The following SF3B3 variants were observed in gnomAD, a reference collection of about 807,000 sequenced individuals.
SF3B3 encodes the protein SAP 130.
In SF3B3, 33 loss-of-function variants were observed where a neutral mutation model predicts 139.2. That is an observed-to-expected ratio of 0.24 (90% CI 0.18 to 0.32). The LOEUF is 0.32. Among genes scored for constraint, SF3B3 ranks in the 10% least tolerant of loss-of-function variants. The pLI is 1.00. For missense variants in SF3B3, 818 were observed against 1,509.4 expected, an observed-to-expected ratio of 0.54 and a Z score of 7.59; for synonymous variants, 596 against 563.6, an observed-to-expected ratio of 1.06 and a Z score of -0.81.
chr16:70,570,131 G>C lies in SF3B3; in HGVS notation c.3390G>C (p.Val1130=). The change falls in exon 24 of 26, where the codon GTG becomes GTC. Residue 1130 remains valine (V), a synonymous_variant. Transcript: ENST00000302516. The stretch of plus-strand genomic sequence containing the variant: ...TGTCTGGAGGAATTGGCATCCTTGT[G>C]CCATTCACGTCCCATGAGGTGAGAG... The part of the protein sequence containing the change: ...TTLSGGIGIL[V]PFTSHEDHDF... 6.2e-7 allele frequency: 1 copy of C among 1,614,092 alleles called. No homozygotes were observed. Among genetic ancestry groups the C allele is most frequent in the Non-Finnish European group, 8.5e-7 (1 of 1,180,004 alleles).
chr16:70,571,023 C>T (rs1597725986), intron 24 of SF3B3, 72 bp from the exon 25 acceptor site: 7 of 977,680 alleles, frequency 7.2e-6, no homozygotes, highest in East Asian at 2.4e-5. Flanking sequence ...CTTGTCTGTT[C>T]GTTGTGCTTG....
At chr16:70,554,358 G>C in intron 11 of SF3B3, 88 bp from the exon 12 acceptor site, 2 of 1,284,008 alleles carry the variant, frequency 1.6e-6, no homozygotes, top group Non-Finnish European at 2.2e-6. Flanking sequence ...TGCCTTGGAA[G>C]GTTTCTGAAG....
Position 70,569,075 on chromosome 16 carries a change from A to T in SF3B3, c.3198A>T (p.Val1066=). 1 of 1,611,584 alleles carries T rather than the reference A, an allele frequency of 6.2e-7. No individual in the cohort carries two copies. Among genetic ancestry groups the T allele is most frequent in the East Asian group, 2.2e-5 (1 of 44,840 alleles). The stretch of plus-strand genomic sequence containing the variant: ...TCCCACCTAACACCAATGATGAAGT[A>T]GATGAGGATCCTACAGGAAACAAAG... ...VRLPPNTNDE[V]DEDPTGNKAL... Residue 1066 remains valine, a synonymous_variant, in exon 23 of 26, where the codon GTA becomes GTT. Transcript: ENST00000302516.
At chr16:70,551,359 C>G (rs1318139540) in intron 11 of SF3B3, among the ~76,000 whole-genome samples, 1 of 152,120 alleles carries the variant, frequency 6.6e-6, no homozygotes, top group Non-Finnish European at 1.5e-5. Flanking sequence ...TGGTACAGTT[C>G]CTAGTCATTT....
chr16:70,534,345 C>T (rs1486877332), intron 5 of SF3B3, among the ~76,000 whole-genome samples: 1 of 152,166 alleles, frequency 6.6e-6, no homozygotes, highest in Non-Finnish European at 1.5e-5. Flanking sequence ...GTGAAAGCTA[C>T]TGAAGGATTC....
At chr16:70,526,972 G>C (rs1056387746) in intron 2 of SF3B3, 3 of 564,688 alleles carry the variant, frequency 5.3e-6, no homozygotes, top group East Asian at 3.0e-5. Flanking sequence ...TGCTTACCTA[G>C]TGCCAAGTCG....
At chr16:70,537,392 C>A (rs114834186) in intron 6 of SF3B3, among the ~76,000 whole-genome samples, 273 of 152,226 alleles carry the variant, frequency 1.8e-3, no homozygotes, top group African/African-American at 6.3e-3. Context: ...ATGAATATCC[C>A]TCTTCCTGAG....
rs374656367 is a variant in SF3B3 at position 70,569,037 on chromosome 16, T to G, written c.3166-6T>G. 4.4e-5 allele frequency: 71 copies of G among 1,602,738 alleles called. No individual in the cohort carries two copies. The African/African-American group carries it at 8.0e-4, about 18-fold the overall frequency. ...CAGCAGTGTGACTTGTGTCACTTCC[T>G]TGTAGGTGAGGCTCCCACCTAACAC... is the stretch of plus-strand genomic sequence containing the variant. On this transcript the variant is annotated splice_region_variant and splice_polypyrimidine_tract_variant and intron_variant, in intron 22 of 25. Coordinates refer to ENST00000302516, the MANE Select transcript of SF3B3 (RefSeq NM_012426.5).
Position 70,577,430 on chromosome 16 carries a change from A to G in SF3B3, c.*5617A>G, listed in dbSNP as rs2050590325. The stretch of plus-strand genomic sequence containing the variant: ...CACTAGCTGCCCAACGGATGAATCA[A>G]CGCCTTGGCAGAGTTTTCCAGCAGG... On this transcript the variant is annotated 3_prime_UTR_variant, in exon 26 of 26. Transcript: ENST00000302516. The G allele has an allele frequency of 6.6e-6, 1 of 152,308 alleles. No individual in the cohort carries two copies. Among genetic ancestry groups the G allele is most frequent in the Admixed American group, 6.5e-5 (1 of 15,274 alleles). The allele number at this position is 152,308 out of a possible 1,614,324, so 9.4% of individuals were successfully genotyped here.
chr16:70,539,050 A>G (rs1419562079), intron 7 of SF3B3, 54 bp from the exon 8 acceptor site: 1 of 1,255,332 alleles, frequency 8.0e-7, no homozygotes, highest in Non-Finnish European at 1.2e-6. Context: ...CTGTCTTATA[A>G]TACGGGGCTC....
chr16:70,536,043 A>G (rs2050162614), intron 6 of SF3B3, among the ~76,000 whole-genome samples: 1 of 152,174 alleles, frequency 6.6e-6, no homozygotes, highest in Non-Finnish European at 1.5e-5. Flanking sequence ...AGAAATTGTA[A>G]CATTTTGTGT....
At position 70,571,939 on chromosome 16, in the gene SF3B3, T is replaced by A; in HGVS notation, c.*126T>A. ...GATAATTAAGACTGCATTATGAAAG[T>A]CAACAGCTCTTTCCCCTCAGCTCTT... On this transcript the variant is annotated 3_prime_UTR_variant, in exon 26 of 26. Transcript: ENST00000302516. 1 of 1,148,260 alleles carries A rather than the reference T, an allele frequency of 8.7e-7. No homozygotes were observed. The highest frequency in any genetic ancestry group is 1.2e-6 in the Non-Finnish European group (1 of 801,914). 71.1% of individuals were successfully genotyped at this position (1,148,260 alleles called of 1,614,324 possible).
chr16:70,537,909 A>G, intron 6 of SF3B3: 1 of 412,130 alleles, frequency 2.4e-6, no homozygotes, highest in Non-Finnish European at 4.8e-6. Flanking sequence ...CCTTGTCTTT[A>G]AAAGAAAAAA....
At position 70,556,357 on chromosome 16, in the gene SF3B3, A is replaced by G. The variant is rs764002813; in HGVS notation, c.1866+23A>G. The G allele has an allele frequency of 6.8e-6, 11 of 1,613,778 alleles. No homozygotes were observed. In the Admixed American group the frequency reaches 1.5e-4, roughly 22 times the overall value. ...TCAGTGAGTGACACTCTGAGCTTCA[A>G]GGATCATCTGGTTGGAACCTGAGCA... On this transcript the variant is annotated intron_variant, in intron 14 of 25. Coordinates refer to ENST00000302516, the MANE Select transcript of SF3B3 (RefSeq NM_012426.5).
rs896582998 is a variant in SF3B3, at chr16:70,572,203, G to A, written c.*390G>A. 11 of 451,660 alleles carry A rather than the reference G, an allele frequency of 2.4e-5. No individual in the cohort carries two copies. Among genetic ancestry groups the A allele is most frequent in the South Asian group, 1.4e-4 (9 of 63,052 alleles). 28.0% of individuals were successfully genotyped at this position (451,660 alleles called of 1,614,324 possible). ...AATGTTATCTCTGTGGGAGGAAGGA[G>A]GCAGGCTGTGGTGGGACTGGGTAGG... On this transcript the variant is annotated 3_prime_UTR_variant, in exon 26 of 26. Transcript: ENST00000302516.
intron 9 of SF3B3, 54 bp downstream of exon 9, chr16:70,541,888 C>T: frequency 1.4e-6 from 2 of 1,467,328 alleles, no homozygotes; most frequent in Admixed American, 1.9e-5. Flanking sequence ...AAACTGAGGT[C>T]TAGTCTAAGA....
At chr16:70,538,495 CTA>C in intron 7 of SF3B3, 35 bp downstream of exon 7, 1 of 1,560,406 alleles carries the variant, frequency 6.4e-7, no homozygotes, top group Non-Finnish European at 8.8e-7. Context: ...TATAGCTACT[CTA>C]TGAGATGAGA....
chr16:70,540,766 G>C (rs2050212320), intron 8 of SF3B3, among the ~76,000 whole-genome samples: 1 of 151,622 alleles, frequency 6.6e-6, no homozygotes, highest in Non-Finnish European at 1.5e-5. Flanking sequence ...TTCATGTTTT[G>C]GTAGCCTGTA....
At chr16:70,567,766 A>G (rs2050490901) in intron 21 of SF3B3, among the ~76,000 whole-genome samples, 1 of 152,004 alleles carries the variant, frequency 6.6e-6, no homozygotes, top group Non-Finnish European at 1.5e-5. Flanking sequence ...GCTCACTGCA[A>G]CCTCCGCCTC....
Sources: allele counts gnomAD v4.1 joint callset (sites outside exome capture counted in the v4.1 genomes callset), GRCh38; gene constraint gnomAD v4.1.1; transcripts MANE v1.5; gene names NCBI Gene and HGNC (gene_info 2026-07-23, HGNC 2026-07-21).